TRIP12: variants seen among roughly 807,000 people sequenced by gnomAD.
TRIP12 encodes E3 ubiquitin-protein ligase TRIP12.
In TRIP12, 25 loss-of-function variants were observed where a neutral mutation model predicts 244.2. The observed-to-expected ratio is 0.10, with a 90% CI of 0.07 to 0.14. TRIP12 has a LOEUF of 0.14. Ranked by LOEUF, TRIP12 falls within the 10% of genes least tolerant of loss-of-function variation. TRIP12 has a pLI of 1.00. For synonymous variants in TRIP12, 905 were observed against 873.1 expected (o/e 1.04, Z -0.64); for missense variants, 1,677 against 2,486.4 (o/e 0.67, Z 6.92).
At chr2:229,855,603 TA>T (rs1166000961) in intron 4 of TRIP12, among the ~76,000 whole-genome samples, 5 of 88,696 alleles carry the variant, frequency 5.6e-5, no homozygotes, top group African/African-American at 1.5e-4. Context: ...AACAAGGGTT[TA>T]AAAAAAAAAA....
chr2:229,844,036 G>A (rs905066030), intron 4 of TRIP12, among the ~76,000 whole-genome samples: 4 of 151,984 alleles, frequency 2.6e-5, no homozygotes, highest in Admixed American at 1.3e-4. Flanking sequence ...TTTGGCTTTC[G>A]AAATGTGATA....
In TRIP12 at chr2:229,765,567, C is replaced by G. The variant is rs1490966303; in HGVS notation, c.*1987G>C. On this transcript the variant is annotated 3_prime_UTR_variant, in exon 42 of 42. Coordinates refer to ENST00000675903, the MANE Select transcript of TRIP12 (RefSeq NM_001348323.3). ...CTGGAATCAATGAGGCCAAATTTGC[C>G]AGGGCTGCAACATGGATAAAATGTC... 4 of 152,128 alleles carry G rather than the reference C, an allele frequency of 2.6e-5. No individual in the cohort carries two copies. Among genetic ancestry groups the G allele is most frequent in the Non-Finnish European group, 5.9e-5 (4 of 68,008 alleles). The allele number at this position is 152,128 out of a possible 1,614,324, so 9.4% of individuals were successfully genotyped here. A position where few individuals can be genotyped will look rare whatever the true frequency, so the allele number is the denominator to read the frequency against.
intron 23 of TRIP12, 137 bp downstream of exon 23, chr2:229,798,738 C>G (rs1489016057): frequency 2.3e-5 from 22 of 976,224 alleles, no homozygotes; most frequent in Non-Finnish European, 3.1e-5. Context: ...CTACCTAATT[C>G]TTGAACTATG....
Position 229,792,412 on chromosome 2 carries a change from T to G in TRIP12, c.4142-186A>C, listed in dbSNP as rs139129274. 5.9e-3 allele frequency among the ~76,000 whole-genome samples: 897 copies of G among 152,342 alleles called. 7 individuals carry two copies. Among genetic ancestry groups the G allele is most frequent in the African/African-American group, 0.02 (849 of 41,572 alleles). On this transcript the variant is annotated intron_variant, in intron 27 of 41. Coordinates refer to ENST00000675903, the MANE Select transcript of TRIP12 (RefSeq NM_001348323.3). ...TTTTCAGATTTGGAATATTTGCATG[T>G]ACATAATGAGATACCTTGGGGATGG...
At chr2:229,816,056 G>T (rs1248104330) in intron 9 of TRIP12, among the ~76,000 whole-genome samples, 1 of 151,978 alleles carries the variant, frequency 6.6e-6, no homozygotes, top group Non-Finnish European at 1.5e-5. Flanking sequence ...TCCTCCTTGG[G>T]GATAAGACAG....
intron 1 of TRIP12, among the ~76,000 whole-genome samples, chr2:229,905,829 T>A (rs984350793): frequency 6.6e-6 from 1 of 151,962 alleles, no homozygotes; most frequent in Non-Finnish European, 1.5e-5. Flanking sequence ...ACAAAGCAAT[T>A]AAGTTCTATA....
chr2:229,830,642 C>T, intron 7 of TRIP12, 114 bp downstream of exon 7: 2 of 997,478 alleles, frequency 2.0e-6, no homozygotes, highest in Non-Finnish European at 2.9e-6. Context: ...CTTGGAGGTG[C>T]AGGCACTGCT....
At position 229,818,400 on chromosome 2, in the gene TRIP12, C is replaced by A; in HGVS notation, c.1563G>T (p.Leu521=). ...QLLVMGNEET[L]GGFPVKSVVP... ...CAACACTCTTGACAGGAAACCCTCC[C>A]AGTGTCTCCTCATTTCCCATGACCA... The change falls in exon 9 of 42, where the codon CTG becomes CTT. Residue 521 remains leucine (L), a synonymous_variant. Transcript: ENST00000675903. The A allele has an allele frequency of 3.7e-6, 6 of 1,614,062 alleles. No homozygotes were observed. The highest frequency in any genetic ancestry group is 4.2e-6 in the Non-Finnish European group (5 of 1,179,952).
At chr2:229,798,841 G>C in intron 23 of TRIP12, 34 bp downstream of exon 23, 1 of 1,606,320 alleles carries the variant, frequency 6.2e-7, no homozygotes, top group Non-Finnish European at 8.5e-7. Flanking sequence ...TCTGATATGG[G>C]AATAGAAGAA....
chr2:229,791,834 G>GA, intron 29 of TRIP12, 32 bp downstream of exon 29: 1 of 1,604,132 alleles, frequency 6.2e-7, no homozygotes, highest in South Asian at 1.1e-5. Flanking sequence ...CAAAGTTTAT[G>GA]AAAAAACAAA....
At chr2:229,821,965 C>T (rs989204793) in intron 8 of TRIP12, among the ~76,000 whole-genome samples, 1 of 152,122 alleles carries the variant, frequency 6.6e-6, no homozygotes, top group Non-Finnish European at 1.5e-5. Context: ...CATGGTGAAA[C>T]GCTGTTTCTA....
intron 1 of TRIP12, among the ~76,000 whole-genome samples, chr2:229,895,516 T>C (rs2068567263): frequency 6.7e-6 from 1 of 148,672 alleles, no homozygotes; most frequent in Admixed American, 6.8e-5. Flanking sequence ...ATAAAAGACA[T>C]CTAAACCCAG....
intron 27 of TRIP12, among the ~76,000 whole-genome samples, chr2:229,792,760 A>T (rs572827715): frequency 1.3e-5 from 2 of 152,332 alleles, no homozygotes; most frequent in South Asian, 4.1e-4. Context: ...TCACCAAGAT[A>T]AATTAACTCA....
chr2:229,881,846 A>T (rs2064948560), intron 1 of TRIP12, among the ~76,000 whole-genome samples: 1 of 152,236 alleles, frequency 6.6e-6, no homozygotes, highest in Non-Finnish European at 1.5e-5. Context: ...GATGCATGAA[A>T]CATACTTCGT....
intron 22 of TRIP12, 115 bp downstream of exon 22, chr2:229,799,168 G>A: frequency 6.6e-7 from 1 of 1,523,036 alleles, no homozygotes; most frequent in South Asian, 1.2e-5. Flanking sequence ...AGAACACTTA[G>A]TCCTCAGGAA....
At chr2:229,876,748 T>C (rs1404197976) in intron 2 of TRIP12, among the ~76,000 whole-genome samples, 1 of 152,186 alleles carries the variant, frequency 6.6e-6, no homozygotes, top group African/African-American at 2.4e-5. Flanking sequence ...ACTGAAACCT[T>C]GAACTCCTCG....
At chr2:229,833,151 T>C (rs2053883808) in intron 6 of TRIP12, among the ~76,000 whole-genome samples, 1 of 152,226 alleles carries the variant, frequency 6.6e-6, no homozygotes, top group African/African-American at 2.4e-5. Flanking sequence ...ACGACTTTCA[T>C]AATGAATATC....
intron 21 of TRIP12, 141 bp from the exon 22 acceptor site, chr2:229,799,524 C>A (rs2043684647): frequency 2.9e-6 from 2 of 699,952 alleles, no homozygotes. Context: ...CGCCTGTAAT[C>A]CCAGCACTTT....
chr2:229,772,621 G>A (rs535455297), intron 38 of TRIP12, among the ~76,000 whole-genome samples: 7 of 152,052 alleles, frequency 4.6e-5, no homozygotes, highest in African/African-American at 1.2e-4. Flanking sequence ...GCACCACCAC[G>A]CCTGGCTAAT....
Sources: allele counts gnomAD v4.1 joint callset (sites outside exome capture counted in the v4.1 genomes callset), GRCh38; gene constraint gnomAD v4.1.1; transcripts MANE v1.5; gene names NCBI Gene and HGNC (gene_info 2026-07-23, HGNC 2026-07-21).